The following SPINK5 variants were observed in gnomAD, a reference collection of about 807,000 sequenced individuals.
SPINK5 encodes the protein serine protease inhibitor Kazal-type 5.
Under a neutral mutation model 151.8 loss-of-function variants are expected in SPINK5, and 125 were observed. The ratio of observed to expected loss-of-function variants is 0.82; its 90% confidence interval spans 0.71 to 0.96. SPINK5 has a LOEUF of 0.96. Among genes scored for constraint, SPINK5 ranks in the 40% least tolerant of loss-of-function variants. The pLI, the probability that SPINK5 is intolerant of heterozygous loss-of-function variation, is 0.00. For missense variants in SPINK5, 1,194 were observed against 1,291.9 expected, an observed-to-expected ratio of 0.92 and a Z score of 1.16; for synonymous variants, 374 against 395.3, an observed-to-expected ratio of 0.95 and a Z score of 0.64.
chr5:148,133,863 C>T lies in SPINK5; in HGVS notation c.3162C>T (p.Thr1054=). The part of the protein sequence containing the change: ...GKCEESSTPG[T]TAASMPPSDE The stretch of plus-strand genomic sequence containing the variant: ...GTGAGGAGAGCAGCACCCCAGGAAC[C>T]ACCGCAGCCAGCATGCCCCCGTCTG... Residue 1054 remains threonine (T), a synonymous_variant, in exon 32 of 33, where the codon ACC becomes ACT. Transcript: ENST00000256084. 1 of 1,613,982 alleles carries T rather than the reference C, an allele frequency of 6.2e-7. No individual in the cohort carries two copies. Among genetic ancestry groups the T allele is most frequent in the Non-Finnish European group, 8.5e-7 (1 of 1,179,938 alleles).
intron 11 of SPINK5, 102 bp downstream of exon 11, chr5:148,098,096 G>A (rs1052165752): frequency 1.8e-6 from 2 of 1,127,164 alleles, no homozygotes; most frequent in African/African-American, 3.1e-5. Context: ...CTCAAGACAG[G>A]GAAGTGAGTT....
Position 148,107,140 on chromosome 5 carries a change from A to G in SPINK5, c.1583A>G (p.Lys528Arg), listed in dbSNP as rs1408084372. The stretch of plus-strand genomic sequence containing the variant: ...CCAGATGGCAAAATGCATGGAAACA[A>G]GTGTGCCATGTGTGCCAGTGTGTTG... ...RGPDGKMHGN[K>R]CAMCASVFKL... Residue 528 changes from lysine (K) to arginine (R), a missense_variant, in exon 17 of 33, where the codon AAG becomes AGG. Transcript: ENST00000256084. 6.2e-7 allele frequency: 1 copy of G among 1,612,776 alleles called. No homozygotes were observed. The highest frequency in any genetic ancestry group is 8.5e-7 in the Non-Finnish European group (1 of 1,179,166).
intron 4 of SPINK5, among the ~76,000 whole-genome samples, chr5:148,075,013 C>T (rs1464789485): frequency 6.6e-6 from 1 of 151,520 alleles, no homozygotes; most frequent in Non-Finnish European, 1.5e-5. Flanking sequence ...GGTAGTTGAT[C>T]ATATTACCTA....
rs567056094 is a variant in SPINK5 at position 148,064,340 on chromosome 5, T to C, written c.55+241T>C. On this transcript the variant is annotated intron_variant, in intron 1 of 32. Coordinates refer to ENST00000256084, the MANE Select transcript of SPINK5 (RefSeq NM_006846.4). ...TTTCTAACCATGAGAAATTCTTCCATTAATTCTTTATTAATTCAGAAAACT... is the reference window on the plus strand; with the variant it reads ...TTTCTAACCATGAGAAATTCTTCCACTAATTCTTTATTAATTCAGAAAACT... 2.6e-5 allele frequency among the ~76,000 whole-genome samples: 4 copies of C among 152,346 alleles called. No homozygotes were observed. The South Asian group carries it at 6.2e-4, about 24-fold the overall frequency.
At position 148,123,441 on chromosome 5, in the gene SPINK5, C is replaced by CTATATATATATA. The variant is rs1416361269; in HGVS notation, c.2539-389_2539-388insATATATATATAT. Among the ~76,000 whole-genome samples the CTATATATATATA allele has an allele frequency of 1.4e-3, 94 of 65,396 alleles. 1 individual carries two copies. Among genetic ancestry groups the CTATATATATATA allele is most frequent in the African/African-American group, 3.7e-3 (92 of 24,900 alleles). 42.9% of individuals were successfully genotyped at this position (65,396 alleles called of 152,430 possible). A position where few individuals can be genotyped will look rare whatever the true frequency, so the allele number is the denominator to read the frequency against. ...ATATATATAGATATATATTATCTAT[C>CTATATATATATA]TATCTATATATATAATCTTGTTATA... On this transcript the variant is annotated intron_variant, in intron 26 of 32. Coordinates refer to ENST00000256084, the MANE Select transcript of SPINK5 (RefSeq NM_006846.4).
chr5:148,123,752 T>C (rs990421110), intron 26 of SPINK5, 81 bp from the exon 27 acceptor site: 3 of 1,591,536 alleles, frequency 1.9e-6, no homozygotes, highest in Non-Finnish European at 2.6e-6. Flanking sequence ...GTTATGAGTT[T>C]ATATCTAATC....
Position 148,125,824 on chromosome 5 carries a change from C to A in SPINK5, c.2841C>A (p.Asn947Lys). Residue 947 changes from asparagine (N) to lysine (K), a missense_variant, in exon 29 of 33, where the codon AAC becomes AAA. By Grantham distance (94) the Asn-to-Lys change is moderately conservative. Coordinates refer to ENST00000256084, the MANE Select transcript of SPINK5 (RefSeq NM_006846.4). ...GTGCTGATGGAAAGTTCTATACAAA[C>A]AAGTGCTACATGTGCAGAGCTGTCT... ...VHGADGKFYT[N>K]KCYMCRAVFL... 6 of 1,614,200 alleles carry A rather than the reference C, an allele frequency of 3.7e-6. No individual in the cohort carries two copies. The highest frequency in any genetic ancestry group is 5.1e-6 in the Non-Finnish European group (6 of 1,180,026).
chr5:148,108,757 C>G lies in SPINK5; in HGVS notation c.1612C>G (p.Leu538Val). Residue 538 changes from leucine (L) to valine (V), a missense_variant, in exon 18 of 33, where the codon CTT (leucine) becomes GTT (valine). By Grantham distance (32) the Leu-to-Val change is conservative. Transcript: ENST00000256084. ...KCAMCASVFK[L>V]EEEEKKNDKE... The stretch of plus-strand genomic sequence containing the variant: ...TATCTTCTTTTTCTATTACAGCAAA[C>G]TTGAAGAAGAAGAGAAGAAAAATGA... The G allele has an allele frequency of 6.2e-7, 1 of 1,610,868 alleles. No individual in the cohort carries two copies. Among genetic ancestry groups the G allele is most frequent in the Non-Finnish European group, 8.5e-7 (1 of 1,177,948 alleles).
chr5:148,095,703 A>T, intron 9 of SPINK5, 115 bp from the exon 10 acceptor site: 1 of 847,910 alleles, frequency 1.2e-6, no homozygotes. Context: ...AGGTGTTTTT[A>T]AAGTGTTTGT....
At chr5:148,095,782 G>A (rs756446359) in intron 9 of SPINK5, 36 bp from the exon 10 acceptor site, 21 of 1,527,930 alleles carry the variant, frequency 1.4e-5, no homozygotes, top group Admixed American at 1.0e-4. Context: ...CATGAAGATC[G>A]GAAGCATCTC....
intron 5 of SPINK5, among the ~76,000 whole-genome samples, chr5:148,088,277 C>T (rs1158537196): frequency 1.3e-5 from 2 of 151,756 alleles, no homozygotes; most frequent in Non-Finnish European, 2.9e-5. Context: ...TGATGTGGAT[C>T]CCTCCTCTAA....
chr5:148,100,392 T>G (rs1753604891), intron 12 of SPINK5, 62 bp from the exon 13 acceptor site: 1 of 1,555,616 alleles, frequency 6.4e-7, no homozygotes, highest in South Asian at 1.1e-5. Flanking sequence ...TGTAGATGTT[T>G]GAACCTTCTG....
Position 148,111,811 on chromosome 5 carries a change from T to TC in SPINK5, c.1740dup (p.Cys581LeufsTer6). The TC allele has an allele frequency of 6.2e-7, 1 of 1,614,044 alleles. No homozygotes were observed. The highest frequency in any genetic ancestry group is 8.5e-7 in the Non-Finnish European group (1 of 1,179,952). On this transcript the variant is annotated frameshift_variant, in exon 19 of 33. Coordinates refer to ENST00000256084, the MANE Select transcript of SPINK5 (RefSeq NM_006846.4). LOFTEE classifies it high-confidence loss of function. The stretch of plus-strand genomic sequence containing the variant: ...CGTCATTATGTGAGGAATGGACGAC[T>TC]CCCCTGTACCAGAGAGAATGATCCT...
At chr5:148,097,370 C>T (rs1310639535) in intron 10 of SPINK5, among the ~76,000 whole-genome samples, 1 of 151,970 alleles carries the variant, frequency 6.6e-6, no homozygotes, top group Non-Finnish European at 1.5e-5. Flanking sequence ...AATTATTTAG[C>T]CACTATATTC....
At chr5:148,108,040 A>T (rs147674870) in intron 17 of SPINK5, among the ~76,000 whole-genome samples, 1 of 152,308 alleles carries the variant, frequency 6.6e-6, no homozygotes, top group Non-Finnish European at 1.5e-5. Context: ...GTAGAGCACT[A>T]GAAGAAAAGT....
intron 4 of SPINK5, among the ~76,000 whole-genome samples, chr5:148,074,462 T>C (rs989349746): frequency 6.6e-6 from 1 of 151,814 alleles, no homozygotes; most frequent in Non-Finnish European, 1.5e-5. Flanking sequence ...TTATCATGAT[T>C]TAGGTTGCCA....
intron 5 of SPINK5, among the ~76,000 whole-genome samples, chr5:148,087,334 G>A (rs1488726748): frequency 6.6e-6 from 1 of 151,732 alleles, no homozygotes; most frequent in African/African-American, 2.4e-5. Flanking sequence ...TCTCAATCTT[G>A]AATTGTCTGG....
Position 148,112,684 on chromosome 5 carries a change from A to ACC in SPINK5, c.1821-184_1821-183insCC, listed in dbSNP as rs1419216328. On this transcript the variant is annotated intron_variant, in intron 19 of 32. Transcript: ENST00000256084. ...GAGACTCCATCTCAAAAAAAAACCA[A>ACC]AAAACAAACAAACAAAAGGACAAGA... Among the ~76,000 whole-genome samples the ACC allele has an allele frequency of 1.2e-4, 17 of 140,986 alleles. No homozygotes were observed. In the East Asian group the frequency reaches 3.9e-3, roughly 33 times the overall value. 92.5% of individuals were successfully genotyped at this position (140,986 alleles called of 152,430 possible).
rs1382699094 is a variant in SPINK5, at chr5:148,136,917, TATAC to T, written c.3187-64_3187-61del. On this transcript the variant is annotated intron_variant, in intron 32 of 32. Coordinates refer to ENST00000256084, the MANE Select transcript of SPINK5 (RefSeq NM_006846.4). ...TCTTTGATTAAGATGCAGCTATAAA[TATAC>T]AGCCCACATTTCTGCAATATCTCTG... 5.0e-6 allele frequency: 8 copies of T among 1,590,654 alleles called. No individual in the cohort carries two copies. The East Asian group carries it at 1.3e-4, about 27-fold the overall frequency.
Sources: allele counts gnomAD v4.1 joint callset (sites outside exome capture counted in the v4.1 genomes callset), GRCh38; gene constraint gnomAD v4.1.1; transcripts MANE v1.5; gene names NCBI Gene and HGNC (gene_info 2026-07-23, HGNC 2026-07-21).